The following TMEM183A variants were observed in gnomAD, a reference collection of about 807,000 sequenced individuals.
TMEM183A encodes transmembrane protein 183A.
Under a neutral mutation model 46.7 loss-of-function variants are expected in TMEM183A, and 21 were observed. That is an observed-to-expected ratio of 0.45 (90% CI 0.32 to 0.65). The LOEUF is 0.65. TMEM183A is among the 30% of genes least tolerant of loss of function. The pLI, the probability that TMEM183A is intolerant of heterozygous loss-of-function variation, is 0.04. For synonymous variants in TMEM183A, 165 were observed against 180.2 expected (o/e 0.92, Z 0.68); for missense variants, 331 against 481.9 (o/e 0.69, Z 2.93).
chr1:203,018,407 T>C (rs1302822608), intron 5 of TMEM183A, 74 bp from the exon 6 acceptor site: 4 of 1,523,110 alleles, frequency 2.6e-6, no homozygotes, highest in Non-Finnish European at 3.6e-6. Context: ...TTTTGGTGAT[T>C]ATTTTGGTTG....
At chr1:203,017,923 C>T in intron 5 of TMEM183A, 1 of 986,278 alleles carries the variant, frequency 1.0e-6, no homozygotes, top group Non-Finnish European at 1.2e-6. Context: ...CTGGGAGGTA[C>T]TTCACTTCTT....
intron 3 of TMEM183A, among the ~76,000 whole-genome samples, chr1:203,011,285 T>C (rs1431118127): frequency 2.0e-5 from 3 of 152,218 alleles, no homozygotes; most frequent in Non-Finnish European, 4.4e-5. Flanking sequence ...ACACTTGTTA[T>C]TGTCTGACTT....
At chr1:203,016,366 A>G (rs767110297) in intron 5 of TMEM183A, 5 of 581,716 alleles carry the variant, frequency 8.6e-6, no homozygotes, top group South Asian at 2.0e-5. Flanking sequence ...TGTATTCCTT[A>G]TTCTTTTTAT....
intron 4 of TMEM183A, chr1:203,015,466 G>A (rs952033101): frequency 4.3e-5 from 10 of 231,996 alleles, no homozygotes; most frequent in Non-Finnish European, 7.6e-5. Flanking sequence ...GCAGCCTTAT[G>A]TATAGTTGTA....
chr1:203,014,233 G>A (rs989485063), intron 3 of TMEM183A, among the ~76,000 whole-genome samples: 32 of 152,168 alleles, frequency 2.1e-4, no homozygotes, highest in African/African-American at 6.8e-4. Context: ...TAAAATGGGC[G>A]CAATAATATT....
intron 7 of TMEM183A, among the ~76,000 whole-genome samples, chr1:203,022,244 TG>T (rs1657769340): frequency 6.6e-6 from 1 of 152,104 alleles, no homozygotes; most frequent in South Asian, 2.1e-4. Context: ...AGCTAATTTT[TG>T]TATTTTTGGT....
In TMEM183A at chr1:203,008,162, C is replaced by T. The variant is rs559990347; in HGVS notation, c.199+299C>T. Among the ~76,000 whole-genome samples the T allele has an allele frequency of 2.0e-5, 3 of 152,288 alleles. No individual in the cohort carries two copies. In the East Asian group the frequency reaches 5.8e-4, roughly 29 times the overall value. On this transcript the variant is annotated intron_variant, in intron 2 of 7. Coordinates refer to ENST00000367242, the MANE Select transcript of TMEM183A (RefSeq NM_138391.6). ...ACATGTTTTACTCTGCAGTTTGCTT[C>T]CTTGTTTAATAACCTTGGAGTGTTC...
Position 203,024,008 on chromosome 1 carries a change from A to G in TMEM183A, c.*968A>G, listed in dbSNP as rs1460977556. 1 of 152,274 alleles carries G rather than the reference A, an allele frequency of 6.6e-6. No individual in the cohort carries two copies. The highest frequency in any genetic ancestry group is 1.5e-5 in the Non-Finnish European group (1 of 68,048). 9.4% of individuals were successfully genotyped at this position (152,274 alleles called of 1,614,324 possible). A position where few individuals can be genotyped will look rare whatever the true frequency, so the allele number is the denominator to read the frequency against. On this transcript the variant is annotated 3_prime_UTR_variant, in exon 8 of 8. Transcript: ENST00000367242. ...AGATTGATGAAATGATCTTTTAAAT[A>G]TGTATTTCTGAATAAAATGTAAAAC... is the stretch of plus-strand genomic sequence containing the variant.
At position 203,012,268 on chromosome 1, in the gene TMEM183A, C is replaced by CACACACACACACACACACACACAT. The variant is rs1212238460; in HGVS notation, c.368-2611_368-2610insACACACACACACATACACACACAC. On this transcript the variant is annotated intron_variant, in intron 3 of 7. Transcript: ENST00000367242. ...ACACACACACACACACACACACACA[C>CACACACACACACACACACACACAT]ACACACACACGGTTATTTTGAAACA... Among the ~76,000 whole-genome samples, 32 of 149,442 alleles carry CACACACACACACACACACACACAT rather than the reference C, an allele frequency of 2.1e-4. No individual in the cohort carries two copies. In the South Asian group the frequency reaches 3.9e-3, roughly 18 times the overall value.
At chr1:203,009,271 G>C (rs1464377808) in intron 3 of TMEM183A, among the ~76,000 whole-genome samples, 2 of 152,192 alleles carry the variant, frequency 1.3e-5, no homozygotes, top group African/African-American at 4.8e-5. Flanking sequence ...TAAGTGCTCT[G>C]CAATTAGTAA....
chr1:203,020,494 A>G (rs1159413394), intron 6 of TMEM183A, among the ~76,000 whole-genome samples: 1 of 152,216 alleles, frequency 6.6e-6, no homozygotes, highest in Non-Finnish European at 1.5e-5. Context: ...AGGAATTTGC[A>G]GTCTTTCAAA....
At position 203,016,139 on chromosome 1, in the gene TMEM183A, A is replaced by G. The variant is rs1657148237; in HGVS notation, c.707A>G (p.Lys236Arg). 4 of 1,614,126 alleles carry G rather than the reference A, an allele frequency of 2.5e-6. No individual in the cohort carries two copies. The highest frequency in any genetic ancestry group is 3.4e-6 in the Non-Finnish European group (4 of 1,180,002). The change falls in exon 5 of 8, where the codon AAA becomes AGA. Residue 236 changes from lysine to arginine, a missense_variant and splice_region_variant. This residue lies in a region of TMEM183A where 233 missense variants were observed against 385.8 expected (regional missense o/e 0.60). Coordinates refer to ENST00000367242, the MANE Select transcript of TMEM183A (RefSeq NM_138391.6). Reference protein sequence around the residue: ...ESTPSTLKNSKCLLFWCRKIV... With the variant: ...ESTPSTLKNSRCLLFWCRKIV... Reference sequence around the variant, plus strand: ...ACCCCCAGCACATTAAAGAATTCCAAAGTAAGTGAGAATTTGTGTTGGGGT... The same window carrying G: ...ACCCCCAGCACATTAAAGAATTCCAGAGTAAGTGAGAATTTGTGTTGGGGT...
intron 3 of TMEM183A, among the ~76,000 whole-genome samples, chr1:203,009,995 G>A (rs1047937297): frequency 6.6e-5 from 10 of 151,936 alleles, no homozygotes; most frequent in Admixed American, 2.0e-4. Flanking sequence ...TTAGCTGGGC[G>A]TGGTGGTGTG....
chr1:203,022,288 T>C (rs138393159), intron 7 of TMEM183A, among the ~76,000 whole-genome samples: 9 of 151,728 alleles, frequency 5.9e-5, no homozygotes, highest in African/African-American at 2.2e-4. Context: ...GGTCTCAAAC[T>C]CCTAACCTCA....
intron 6 of TMEM183A, among the ~76,000 whole-genome samples, chr1:203,019,403 T>G (rs1657457623): frequency 6.6e-6 from 1 of 152,208 alleles, no homozygotes; most frequent in Admixed American, 6.5e-5. Context: ...TGAGGCAATT[T>G]AGGAAATCAG....
In TMEM183A at chr1:203,008,429, G is replaced by A. The variant is rs1215036828; in HGVS notation, c.200-214G>A. Among the ~76,000 whole-genome samples, 3 of 146,398 alleles carry A rather than the reference G, an allele frequency of 2.0e-5. No homozygotes were observed. In the East Asian group the frequency reaches 5.9e-4, roughly 29 times the overall value. On this transcript the variant is annotated intron_variant, in intron 2 of 7. Coordinates refer to ENST00000367242, the MANE Select transcript of TMEM183A (RefSeq NM_138391.6). ...TGAAAAAAGGAGTTTCTGCAACTTT[G>A]GAGTCAGTTTGCCCATTGCTTTCCT...
At chr1:203,012,185 C>CACACACA (rs60471086) in intron 3 of TMEM183A, among the ~76,000 whole-genome samples, 1 of 114,794 alleles carries the variant, frequency 8.7e-6, no homozygotes, top group Admixed American at 9.3e-5. Context: ...CACACACACA[C>CACACACA]GGTTATTTTG....
chr1:203,010,862 C>T (rs951267179), intron 3 of TMEM183A, among the ~76,000 whole-genome samples: 2 of 152,210 alleles, frequency 1.3e-5, no homozygotes, highest in Non-Finnish European at 2.9e-5. Context: ...ATTCCAAACC[C>T]TCCTCCAGCC....
At chr1:203,019,722 A>G (rs1385564982) in intron 6 of TMEM183A, among the ~76,000 whole-genome samples, 1 of 152,226 alleles carries the variant, frequency 6.6e-6, no homozygotes, top group Non-Finnish European at 1.5e-5. Context: ...GACAAATTAC[A>G]TGAACTCTCC....
Sources: allele counts gnomAD v4.1 joint callset (sites outside exome capture counted in the v4.1 genomes callset), GRCh38; gene constraint gnomAD v4.1.1; regional missense constraint gnomAD v4.1.1; transcripts MANE v1.5; gene names NCBI Gene and HGNC (gene_info 2026-07-23, HGNC 2026-07-21).